HMCN1: variants seen among roughly 807,000 people sequenced by gnomAD.
The protein encoded by HMCN1 is hemicentin-1.
In HMCN1, 321 loss-of-function variants were observed where a neutral mutation model predicts 625.9. The observed-to-expected ratio is 0.51, with a 90% confidence interval of 0.47 to 0.56. The LOEUF is 0.56. HMCN1 is among the 20% of genes least tolerant of loss of function. The pLI is 0.00. For synonymous variants in HMCN1, 2,425 were observed against 2,417.6 expected (o/e 1.00, Z -0.09); for missense variants, 6,588 against 6,887.3 (o/e 0.96, Z 1.54).
intron 1 of HMCN1, among the ~76,000 whole-genome samples, chr1:185,772,962 G>A (rs1395762537): frequency 6.6e-6 from 1 of 152,056 alleles, no homozygotes; most frequent in East Asian, 1.9e-4. Flanking sequence ...TCGTTCATGA[G>A]GGCTCTGCTT....
chr1:186,187,767 T>C, intron 105 of HMCN1, 116 bp from the exon 106 acceptor site: 1 of 1,367,936 alleles, frequency 7.3e-7, no homozygotes, highest in Non-Finnish European at 1.0e-6. Flanking sequence ...ACTAAGTTCA[T>C]TCATGGCAGG....
intron 69 of HMCN1, among the ~76,000 whole-genome samples, chr1:186,104,059 G>T (rs1289313802): frequency 6.6e-6 from 1 of 152,146 alleles, no homozygotes; most frequent in Admixed American, 6.5e-5. Context: ...CGATATGGAA[G>T]TCTGAAGAGA....
chr1:185,966,331 G>A (rs1382609988), intron 14 of HMCN1, among the ~76,000 whole-genome samples: 1 of 152,098 alleles, frequency 6.6e-6, no homozygotes, highest in Non-Finnish European at 1.5e-5. Flanking sequence ...TTCAAATAAA[G>A]ATACACATTG....
intron 39 of HMCN1, among the ~76,000 whole-genome samples, chr1:186,040,773 T>A (rs1656150087): frequency 1.3e-5 from 2 of 152,310 alleles, no homozygotes; most frequent in South Asian, 4.1e-4. Flanking sequence ...CATTTGATGC[T>A]GTATGTAAAG....
intron 14 of HMCN1, among the ~76,000 whole-genome samples, chr1:185,967,125 G>A (rs1650461108): frequency 6.6e-6 from 1 of 152,036 alleles, no homozygotes; most frequent in Non-Finnish European, 1.5e-5. Flanking sequence ...AAGAAAATAT[G>A]TTATAGACAG....
At chr1:185,997,568 G>A (rs1365602945) in intron 25 of HMCN1, 44 bp downstream of exon 25, 6 of 1,347,420 alleles carry the variant, frequency 4.5e-6, no homozygotes, top group Non-Finnish European at 5.3e-6. Flanking sequence ...AATGTTATAT[G>A]GTTTCAGAAT....
chr1:186,018,744 C>T (rs1285739895), intron 34 of HMCN1, among the ~76,000 whole-genome samples: 3 of 151,930 alleles, frequency 2.0e-5, no homozygotes, highest in Non-Finnish European at 4.4e-5. Context: ...TTAGCCAAAA[C>T]AAGAGGGATG....
intron 58 of HMCN1, among the ~76,000 whole-genome samples, chr1:186,086,911 CTT>C (rs990915407): frequency 9.9e-5 from 15 of 152,024 alleles, no homozygotes; most frequent in Non-Finnish European, 1.5e-4. Context: ...CCAGAAAACA[CTT>C]AATATATTTT....
At chr1:186,029,056 G>T (rs1655246410) in intron 36 of HMCN1, among the ~76,000 whole-genome samples, 1 of 151,930 alleles carries the variant, frequency 6.6e-6, no homozygotes, top group African/African-American at 2.4e-5. Context: ...GTTTTATATG[G>T]AAACTACCTT....
chr1:185,906,035 C>T (rs1368005316), intron 4 of HMCN1, among the ~76,000 whole-genome samples: 1 of 151,732 alleles, frequency 6.6e-6, no homozygotes, highest in African/African-American at 2.4e-5. Context: ...TTTGTAGGCT[C>T]TCACATTATT....
chr1:186,078,915 A>AT, intron 55 of HMCN1, among the ~76,000 whole-genome samples: 1 of 152,198 alleles, frequency 6.6e-6, no homozygotes, highest in African/African-American at 2.4e-5. Context: ...ATAGATTTTA[A>AT]AGTTCATGAG....
chr1:186,142,817 C>G (rs1385896697), intron 89 of HMCN1, among the ~76,000 whole-genome samples: 2 of 151,938 alleles, frequency 1.3e-5, no homozygotes, highest in Non-Finnish European at 2.9e-5. Context: ...TAAATGTTAC[C>G]CAATTGTTAA....
At chr1:185,863,686 A>G (rs1425070024) in intron 2 of HMCN1, among the ~76,000 whole-genome samples, 1 of 152,248 alleles carries the variant, frequency 6.6e-6, no homozygotes, top group Non-Finnish European at 1.5e-5. Flanking sequence ...AATAAATGTG[A>G]CAAGAATTGC....
intron 29 of HMCN1, among the ~76,000 whole-genome samples, chr1:186,006,531 A>G (rs1032466869): frequency 1.1e-4 from 17 of 152,086 alleles, no homozygotes; most frequent in Admixed American, 2.0e-4. Flanking sequence ...CTTCCTTGAC[A>G]ATCATATACG....
intron 1 of HMCN1, among the ~76,000 whole-genome samples, chr1:185,817,153 C>T: frequency 6.6e-6 from 1 of 152,262 alleles, no homozygotes; most frequent in South Asian, 2.1e-4. Flanking sequence ...TTCTTCAGCT[C>T]ACCCAGAGTC....
At chr1:186,061,017 G>A (rs1483850508) in intron 46 of HMCN1, among the ~76,000 whole-genome samples, 3 of 151,890 alleles carry the variant, frequency 2.0e-5, no homozygotes, top group Non-Finnish European at 2.9e-5. Flanking sequence ...ATACAATCTG[G>A]CCATACTCCA....
At chr1:185,803,082 AG>A (rs1233176651) in intron 1 of HMCN1, among the ~76,000 whole-genome samples, 3 of 151,428 alleles carry the variant, frequency 2.0e-5, no homozygotes, top group Non-Finnish European at 1.5e-5. Context: ...CTATGCATAG[AG>A]GATTGTCAGA....
chr1:185,889,395 A>C (rs1211927959), intron 4 of HMCN1, among the ~76,000 whole-genome samples: 1 of 147,726 alleles, frequency 6.8e-6, no homozygotes, highest in Admixed American at 6.6e-5. Context: ...GCCAGTATTC[A>C]AAGGGAATGC....
At chr1:185,997,735 C>G (rs74134273) in intron 25 of HMCN1, among the ~76,000 whole-genome samples, 1 of 151,330 alleles carries the variant, frequency 6.6e-6, no homozygotes. Flanking sequence ...AATGTAAAGA[C>G]TTTCCATTCT....
Sources: allele counts gnomAD v4.1 joint callset (sites outside exome capture counted in the v4.1 genomes callset), GRCh38; gene constraint gnomAD v4.1.1; transcripts MANE v1.5; gene names NCBI Gene and HGNC (gene_info 2026-07-23, HGNC 2026-07-21).